The following SLC2A9 variants were observed in gnomAD, a reference collection of about 807,000 sequenced individuals.
SLC2A9 encodes the protein solute carrier family 2, facilitated glucose transporter member 9.
A neutral mutation model predicts 50.6 loss-of-function variants in SLC2A9; 39 were observed. That is an observed-to-expected ratio of 0.77 (90% CI 0.60 to 1.01). SLC2A9 has a LOEUF of 1.01. Ranked by LOEUF, SLC2A9 falls within the 50% of genes least tolerant of loss-of-function variation. The probability of loss-of-function intolerance (pLI) is 0.00; values close to 1 mark genes in which losing one functional copy is unlikely to be tolerated. For synonymous variants in SLC2A9, 324 were observed against 276.9 expected (o/e 1.17, Z -1.69); for missense variants, 686 against 677.6 (o/e 1.01, Z -0.14).
chr4:9,794,157 TG>T (rs371025418), downstream of SLC2A9, among the ~76,000 whole-genome samples: 1,109 of 149,648 alleles, frequency 7.4e-3, 6 homozygotes, highest in African/African-American at 0.017. Flanking sequence ...TCCTTTTTTT[TG>T]TGTGTGTGAT....
chr4:9,925,175 G>A (rs1389174998), intron 6 of SLC2A9, among the ~76,000 whole-genome samples: 2 of 152,204 alleles, frequency 1.3e-5, no homozygotes, highest in Non-Finnish European at 2.9e-5. Flanking sequence ...TGCTCGTGCT[G>A]TTCCTTGTGT....
At chr4:9,881,796 T>C (rs1735264379) in intron 10 of SLC2A9, among the ~76,000 whole-genome samples, 1 of 152,192 alleles carries the variant, frequency 6.6e-6, no homozygotes, top group Non-Finnish European at 1.5e-5. Flanking sequence ...AAGCTTCTGA[T>C]AAATGACTGA....
At chr4:9,840,575 A>C (rs929013992) in intron 10 of SLC2A9, among the ~76,000 whole-genome samples, 11 of 152,186 alleles carry the variant, frequency 7.2e-5, no homozygotes, top group African/African-American at 2.4e-4. Flanking sequence ...CCTTCCACCT[A>C]GAGATGATCT....
intron 8 of SLC2A9, among the ~76,000 whole-genome samples, chr4:9,895,418 G>A (rs371630407): frequency 1.1e-4 from 16 of 152,208 alleles, no homozygotes; most frequent in Non-Finnish European, 1.5e-4. Flanking sequence ...GGATTAGAGC[G>A]AACGTGGTAT....
At chr4:10,020,174 G>A (rs1160512144) in intron 1 of SLC2A9, among the ~76,000 whole-genome samples, 1 of 152,118 alleles carries the variant, frequency 6.6e-6, no homozygotes, top group African/African-American at 2.4e-5. Flanking sequence ...CCGTCTGGAA[G>A]GGAATGCGGG....
intron 10 of SLC2A9, among the ~76,000 whole-genome samples, chr4:9,877,359 C>T (rs1734469761): frequency 6.6e-6 from 1 of 152,206 alleles, no homozygotes; most frequent in Non-Finnish European, 1.5e-5. Context: ...TGCACAGAGC[C>T]CTCCCACCCA....
At chr4:9,826,142 A>G, downstream of SLC2A9, 1 of 499,938 alleles carries the variant, frequency 2.0e-6, no homozygotes, top group Non-Finnish European at 3.6e-6. Context: ...CGCTGGGTCT[A>G]CTGAAACATA....
At chr4:9,953,970 C>T (rs528278191) in intron 5 of SLC2A9, among the ~76,000 whole-genome samples, 3 of 152,250 alleles carry the variant, frequency 2.0e-5, no homozygotes, top group East Asian at 1.9e-4. Context: ...CCACCATGCC[C>T]GGCTGATTTT....
At chr4:9,964,223 G>T (rs967508611) in intron 5 of SLC2A9, among the ~76,000 whole-genome samples, 2 of 151,526 alleles carry the variant, frequency 1.3e-5, no homozygotes, top group African/African-American at 4.9e-5. Context: ...CAGAATCTTG[G>T]TTCAACAGGG....
chr4:9,986,539 G>C (rs1756750880), intron 3 of SLC2A9, among the ~76,000 whole-genome samples: 1 of 152,210 alleles, frequency 6.6e-6, no homozygotes, highest in African/African-American at 2.4e-5. Context: ...GTGGAGCTAG[G>C]AGACAACAGC....
chr4:9,969,899 T>C (rs531827864), intron 5 of SLC2A9, among the ~76,000 whole-genome samples: 27 of 152,320 alleles, frequency 1.8e-4, no homozygotes, highest in Non-Finnish European at 2.9e-4. Flanking sequence ...TGGGTGGAGA[T>C]GAAGCCAAAC....
At chr4:10,032,483 G>A (rs557474542) in intron 1 of SLC2A9, among the ~76,000 whole-genome samples, 2 of 152,262 alleles carry the variant, frequency 1.3e-5, no homozygotes, top group African/African-American at 4.8e-5. Context: ...AAGGGGGTTG[G>A]AGGATGATCA....
At chr4:9,782,835 C>G in intron 3 of SLC2A9, 12 of 1,612,976 alleles carry the variant, frequency 7.4e-6, no homozygotes, top group Non-Finnish European at 1.0e-5. Context: ...GCAGAGCACG[C>G]GCAGAGCTGC....
downstream of SLC2A9, among the ~76,000 whole-genome samples, chr4:9,796,455 T>C (rs146955774): frequency 1.1e-4 from 16 of 152,304 alleles, no homozygotes; most frequent in East Asian, 2.7e-3. Context: ...TTCTAATCTG[T>C]TGAATGGAGA....
intron 10 of SLC2A9, among the ~76,000 whole-genome samples, chr4:9,836,958 C>G (rs558289474): frequency 1.4e-4 from 22 of 152,294 alleles, no homozygotes; most frequent in Admixed American, 2.6e-4. Context: ...CCAAGCAGCC[C>G]AGGGTGACAA....
intron 10 of SLC2A9, among the ~76,000 whole-genome samples, chr4:9,859,932 C>T (rs1731346716): frequency 6.6e-6 from 1 of 152,180 alleles, no homozygotes; most frequent in African/African-American, 2.4e-5. Flanking sequence ...AAGCTGAATA[C>T]CCCTTGGCTG....
At chr4:9,796,126 C>G (rs548916550), downstream of SLC2A9, among the ~76,000 whole-genome samples, 76 of 152,324 alleles carry the variant, frequency 5.0e-4, 1 homozygote, top group Non-Finnish European at 2.5e-4. Context: ...AACCCCCTGC[C>G]TCTCATGGCT....
Position 9,845,097 on chromosome 4 carries a change from T to A in SLC2A9, c.1292-10089A>T, listed in dbSNP as rs1018094882. Among the ~76,000 whole-genome samples, 6 of 151,924 alleles carry A rather than the reference T, an allele frequency of 3.9e-5. No homozygotes were observed. In the East Asian group the frequency reaches 1.2e-3, roughly 29 times the overall value. Reference sequence around the variant, plus strand: ...GGCGCAATCTCGGCTCACTGCAAGCTCCACCTCCTGGGTTCATGCCATTCT... The same window carrying A: ...GGCGCAATCTCGGCTCACTGCAAGCACCACCTCCTGGGTTCATGCCATTCT... On this transcript the variant is annotated intron_variant, in intron 10 of 11. Coordinates refer to ENST00000264784, the MANE Select transcript of SLC2A9 (RefSeq NM_020041.3).
At position 9,977,523 on chromosome 4, in the gene SLC2A9, C is replaced by T. The variant is rs79729099; in HGVS notation, c.681+3069G>A. On this transcript the variant is annotated intron_variant, in intron 5 of 11. Coordinates refer to ENST00000264784, the MANE Select transcript of SLC2A9 (RefSeq NM_020041.3). ...CCCTCTCTGCTGCCTGCCTTGCCAG[C>T]GGTCTCTCCCTCTCCCTCTCCCCCT... 8.8e-3 allele frequency among the ~76,000 whole-genome samples: 1,338 copies of T among 151,238 alleles called. 25 individuals carry two copies. The highest frequency in any genetic ancestry group is 0.031 in the African/African-American group (1,284 of 41,018).
Sources: allele counts gnomAD v4.1 joint callset (sites outside exome capture counted in the v4.1 genomes callset), GRCh38; gene constraint gnomAD v4.1.1; transcripts MANE v1.5; gene names NCBI Gene and HGNC (gene_info 2026-07-23, HGNC 2026-07-21).